The following PDE6A variants were observed in gnomAD, a reference collection of about 807,000 sequenced individuals.
The protein encoded by PDE6A is rod cGMP-specific 3',5'-cyclic phosphodiesterase subunit alpha.
A neutral mutation model predicts 106.3 loss-of-function variants in PDE6A; 84 were observed. The observed-to-expected ratio is 0.79, with a 90% CI of 0.66 to 0.95. The LOEUF (loss-of-function observed/expected upper bound fraction) is 0.95, where lower values mean the gene tolerates loss of function less well. PDE6A is among the 40% of genes least tolerant of loss of function. The pLI, the probability that PDE6A is intolerant of heterozygous loss-of-function variation, is 0.00. For missense variants in PDE6A, 1,052 were observed against 1,084.9 expected (o/e 0.97, Z 0.43); for synonymous variants, 394 against 386.6 (o/e 1.02, Z -0.23).
intron 4 of PDE6A, among the ~76,000 whole-genome samples, chr5:149,927,328 ACTGTACG>A (rs1753892111): frequency 6.6e-6 from 1 of 152,182 alleles, no homozygotes; most frequent in South Asian, 2.1e-4. Flanking sequence ...CTAGGACATT[ACTGTACG>A]CTACTATAGA....
At chr5:149,871,701 A>T (rs571603574) in intron 17 of PDE6A, among the ~76,000 whole-genome samples, 16 of 152,310 alleles carry the variant, frequency 1.1e-4, no homozygotes, top group African/African-American at 3.8e-4. Flanking sequence ...GATGGTTTTC[A>T]TGCTACGAGC....
At chr5:149,932,617 T>C (rs1387366101) in intron 3 of PDE6A, 1 of 1,612,666 alleles carries the variant, frequency 6.2e-7, no homozygotes, top group African/African-American at 1.3e-5. Context: ...ATTCGCTGAC[T>C]AATGCCTTCA....
chr5:149,931,127 C>A lies in PDE6A; in HGVS notation c.759G>T (p.Thr253=). ...CTTTGTGGAACTGTCGTTCGATGTCCGTAAGTTCTTCAAAGACTTTGCTCC... is the reference window on the plus strand; with the variant it reads ...CTTTGTGGAACTGTCGTTCGATGTCAGTAAGTTCTTCAAAGACTTTGCTCC... ...WSGSKVFEEL[T]DIERQFHKAL... Residue 253 remains threonine (T), a synonymous_variant, in exon 4 of 22, where the codon ACG becomes ACT. Transcript: ENST00000255266. 2 of 1,614,068 alleles carry A rather than the reference C, an allele frequency of 1.2e-6. No homozygotes were observed. The highest frequency in any genetic ancestry group is 1.7e-6 in the Non-Finnish European group (2 of 1,179,978).
chr5:149,883,845 G>A (rs1223694969), intron 16 of PDE6A, among the ~76,000 whole-genome samples: 1 of 152,164 alleles, frequency 6.6e-6, no homozygotes, highest in African/African-American at 2.4e-5. Flanking sequence ...TGTTGTGCCT[G>A]ACACATAGTA....
intron 17 of PDE6A, among the ~76,000 whole-genome samples, chr5:149,879,016 C>T (rs774632831): frequency 4.6e-5 from 7 of 151,862 alleles, no homozygotes; most frequent in South Asian, 2.1e-4. Flanking sequence ...TTATGACTTA[C>T]GATTTTCATG....
At chr5:149,884,268 A>G (rs111520374) in intron 16 of PDE6A, among the ~76,000 whole-genome samples, 21 of 143,960 alleles carry the variant, frequency 1.5e-4, no homozygotes, top group Admixed American at 1.1e-3. Flanking sequence ...GTGTATATAT[A>G]TGTATATATG....
At chr5:149,903,923 T>C (rs543592207) in intron 7 of PDE6A, among the ~76,000 whole-genome samples, 66 of 152,374 alleles carry the variant, frequency 4.3e-4, no homozygotes, top group Middle Eastern at 6.8e-3. Flanking sequence ...CTTGAATCAT[T>C]TCTAAGCTTT....
intron 7 of PDE6A, among the ~76,000 whole-genome samples, chr5:149,904,222 G>A (rs1266424821): frequency 2.0e-5 from 3 of 152,220 alleles, no homozygotes; most frequent in Non-Finnish European, 4.4e-5. Flanking sequence ...ACTCCAGCCT[G>A]AGCGACAGAG....
In PDE6A at chr5:149,884,593, G is replaced by A. The variant is rs773999869; in HGVS notation, c.1927-14C>T. The A allele has an allele frequency of 1.2e-6, 2 of 1,601,394 alleles. No individual in the cohort carries two copies. Among genetic ancestry groups the A allele is most frequent in the Admixed American group, 3.3e-5 (2 of 59,986 alleles). The stretch of plus-strand genomic sequence containing the variant: ...GATATTCAGGCTCTAAAGAAAAAAA[G>A]AGAAGCGAGATGGGAGAGAATTGAT... On this transcript the variant is annotated splice_polypyrimidine_tract_variant and intron_variant, in intron 15 of 21. Coordinates refer to ENST00000255266, the MANE Select transcript of PDE6A (RefSeq NM_000440.3).
At position 149,928,209 on chromosome 5, in the gene PDE6A, C is replaced by CTATATATATATATATATATATATA. The variant is rs1213238607; in HGVS notation, c.858+2818_858+2819insTATATATATATATATATATATATA. 6.7e-5 allele frequency among the ~76,000 whole-genome samples: 3 copies of CTATATATATATATATATATATATA among 44,552 alleles called. 1 individual carries two copies. The highest frequency in any genetic ancestry group is 4.1e-4 in the African/African-American group (3 of 7,308). 29.2% of individuals were successfully genotyped at this position (44,552 alleles called of 152,430 possible). On this transcript the variant is annotated intron_variant, in intron 4 of 21. Coordinates refer to ENST00000255266, the MANE Select transcript of PDE6A (RefSeq NM_000440.3). ...GTACTACAGCTCATAATTGTATGTG[C>CTATATATATATATATATATATATA]TATATATATATATATATATATATTT...
chr5:149,900,375 G>GTGTATATATATATATATATATATA (rs371287292), intron 8 of PDE6A, among the ~76,000 whole-genome samples: 16 of 82,646 alleles, frequency 1.9e-4, no homozygotes, highest in African/African-American at 3.0e-4. Context: ...AAATATATAT[G>GTGTATATATATATATATATATATA]TATATATATA....
intron 4 of PDE6A, among the ~76,000 whole-genome samples, chr5:149,926,080 A>C (rs1753857755): frequency 6.6e-6 from 1 of 152,148 alleles, no homozygotes; most frequent in South Asian, 2.1e-4. Flanking sequence ...CATCTGTACT[A>C]AAAATACACA....
chr5:149,876,560 T>C (rs1245053969), intron 17 of PDE6A, among the ~76,000 whole-genome samples: 1 of 152,062 alleles, frequency 6.6e-6, no homozygotes, highest in Admixed American at 6.6e-5. Context: ...TGGAGTGTGG[T>C]GGTTCCATAC....
chr5:149,927,435 TTTAA>T (rs899423973), intron 4 of PDE6A, among the ~76,000 whole-genome samples: 1 of 152,162 alleles, frequency 6.6e-6, no homozygotes, highest in Non-Finnish European at 1.5e-5. Flanking sequence ...TACTGTAATT[TTTAA>T]TTAATTAATT....
chr5:149,938,108 A>G (rs898586609), intron 1 of PDE6A, among the ~76,000 whole-genome samples: 3 of 152,126 alleles, frequency 2.0e-5, no homozygotes, highest in Non-Finnish European at 4.4e-5. Context: ...TGAGCCCACG[A>G]CTCAAAGCAT....
At chr5:149,933,167 A>AT (rs113915349) in intron 3 of PDE6A, among the ~76,000 whole-genome samples, 11,164 of 152,080 alleles carry the variant, frequency 0.073, 1,352 homozygotes, top group African/African-American at 0.25. Flanking sequence ...TAATCTTTAA[A>AT]TTTTTTGTAG....
chr5:149,922,975 G>A (rs1006785491), intron 4 of PDE6A, among the ~76,000 whole-genome samples: 3 of 152,212 alleles, frequency 2.0e-5, no homozygotes, highest in Non-Finnish European at 4.4e-5. Context: ...ACAAATGGTC[G>A]AGTTTCAACC....
intron 6 of PDE6A, among the ~76,000 whole-genome samples, chr5:149,911,007 G>A (rs1004502895): frequency 7.4e-5 from 11 of 148,752 alleles, no homozygotes; most frequent in Admixed American, 1.4e-4. Flanking sequence ...AGCCTCCTGA[G>A]CAGCTGGGAC....
chr5:149,884,514 A>G lies in PDE6A; in HGVS notation c.1992T>C (p.Ile664=). ...GGGCGAGGTCTGTGGCAATGATTGC[A>G]ATGTCCATCATGTGGATGGCATGCT... The part of the protein sequence containing the change: ...QHEHAIHMMD[I]AIIATDLALY... Residue 664 remains isoleucine (I), a synonymous_variant, in exon 16 of 22, where the codon ATT becomes ATC. Coordinates refer to ENST00000255266, the MANE Select transcript of PDE6A (RefSeq NM_000440.3). The G allele has an allele frequency of 6.2e-7, 1 of 1,613,698 alleles. No individual in the cohort carries two copies. Among genetic ancestry groups the G allele is most frequent in the Non-Finnish European group, 8.5e-7 (1 of 1,179,636 alleles).
Sources: allele counts gnomAD v4.1 joint callset (sites outside exome capture counted in the v4.1 genomes callset), GRCh38; gene constraint gnomAD v4.1.1; transcripts MANE v1.5; gene names NCBI Gene and HGNC (gene_info 2026-07-23, HGNC 2026-07-21).